PLB1: variants seen among roughly 807,000 people sequenced by gnomAD.
The protein encoded by PLB1 is phospholipase B1, membrane-associated.
PLB1 carries 242 observed loss-of-function variants against 227.4 expected under a neutral mutation model. That is an observed-to-expected ratio of 1.06 (90% CI 0.96 to 1.18). The LOEUF (loss-of-function observed/expected upper bound fraction) is 1.18, where lower values mean the gene tolerates loss of function less well. Ranked by LOEUF, PLB1 falls within the 50% of genes most tolerant of loss-of-function variation. The pLI is 0.00. For missense variants in PLB1, 1,858 were observed against 1,816.3 expected (o/e 1.02, Z -0.42); for synonymous variants, 757 against 682.2 (o/e 1.11, Z -1.71).
intron 20 of PLB1, 106 bp from the exon 21 acceptor site, chr2:28,573,091 C>T (rs1678285602): frequency 2.4e-6 from 2 of 817,496 alleles, no homozygotes; most frequent in Non-Finnish European, 4.1e-6. Context: ...AGAGTAGGGG[C>T]TGCGGAGTGG....
chr2:28,519,292 G>A (rs953106535), intron 3 of PLB1, among the ~76,000 whole-genome samples: 1 of 152,196 alleles, frequency 6.6e-6, no homozygotes, highest in Non-Finnish European at 1.5e-5. Flanking sequence ...CAATCTTCAA[G>A]CTAAAGTGAT....
intron 3 of PLB1, 112 bp from the exon 4 acceptor site, chr2:28,519,593 C>T (rs994361515): frequency 7.2e-5 from 56 of 776,472 alleles, no homozygotes; most frequent in Non-Finnish European, 1.1e-4. Context: ...ACTGGACCTC[C>T]GCAGCTGTCC....
intron 28 of PLB1, 67 bp downstream of exon 28, chr2:28,589,837 A>G (rs1267751938): frequency 6.7e-7 from 1 of 1,482,766 alleles, no homozygotes; most frequent in Non-Finnish European, 9.4e-7. Flanking sequence ...AAGCCTTTGG[A>G]GGACCTCGGA....
chr2:28,591,467 G>T lies in PLB1; in HGVS notation c.2128-233G>T, dbSNP rs80207712. On this transcript the variant is annotated intron_variant, in intron 30 of 57. Transcript: ENST00000327757. ...GTGTGGAGTGGGGTCATTTGTTGCT[G>T]CCCTGATTCTTGCATTGGACGGTGG... Among the ~76,000 whole-genome samples the T allele has an allele frequency of 6.2e-4, 94 of 152,312 alleles. 2 individuals carry two copies. The East Asian group carries it at 0.017, about 27-fold the overall frequency.
At chr2:28,594,323 G>A (rs1261069420) in intron 33 of PLB1, 3 of 231,440 alleles carry the variant, frequency 1.3e-5, no homozygotes, top group African/African-American at 6.8e-5. Context: ...AAGTGGAGAA[G>A]CTCAGGGTGT....
intron 13 of PLB1, 99 bp downstream of exon 13, chr2:28,541,910 A>G (rs1457415870): frequency 2.7e-5 from 25 of 925,298 alleles, no homozygotes; most frequent in Non-Finnish European, 3.7e-5. Flanking sequence ...AGGTGGGTGG[A>G]TTACTTGAGA....
Position 28,640,991 on chromosome 2 carries a change from G to A in PLB1, c.4163G>A (p.Cys1388Tyr). The A allele has an allele frequency of 1.9e-6, 3 of 1,613,636 alleles. No individual in the cohort carries two copies. The highest frequency in any genetic ancestry group is 2.5e-6 in the Non-Finnish European group (3 of 1,179,792). ...ACCCACAGCCGAGCCAAACTCAAGT[G>A]CCCCTCTCCTGTGAGTAAACGTCCT... Reference protein sequence around the residue: ...NFTHSRAKLKCPSPESPYLYT... With the variant: ...NFTHSRAKLKYPSPESPYLYT... The change falls in exon 57 of 58, where the codon TGC becomes TAC. Residue 1388 changes from cysteine to tyrosine, a missense_variant. Physicochemically the swap from Cys to Tyr is radical, Grantham distance 194 (BLOSUM62 -2). Coordinates refer to ENST00000327757, the MANE Select transcript of PLB1 (RefSeq NM_153021.5).
chr2:28,589,994 T>C lies in PLB1; in HGVS notation c.2017-11T>C. On this transcript the variant is annotated splice_polypyrimidine_tract_variant and intron_variant, in intron 28 of 57. Transcript: ENST00000327757. ...CTTCCTCACTCCCCATCTCCCTGCTTCTTTGTTTAGCTGGAGCCTGTTGGC... is the reference window on the plus strand; with the variant it reads ...CTTCCTCACTCCCCATCTCCCTGCTCCTTTGTTTAGCTGGAGCCTGTTGGC... 2 of 1,612,218 alleles carry C rather than the reference T, an allele frequency of 1.2e-6. No individual in the cohort carries two copies. The highest frequency in any genetic ancestry group is 1.7e-6 in the Non-Finnish European group (2 of 1,178,330).
At position 28,602,860 on chromosome 2, in the gene PLB1, C is replaced by T; in HGVS notation, c.2713C>T (p.Pro905Ser). The change falls in exon 39 of 58, where the codon CCC (proline) becomes TCC (serine). Residue 905 changes from proline (P) to serine (S), a missense_variant. Transcript: ENST00000327757. ...GGTCAACCTCGTGGACTTCCTGAAC[C>T]CCACTATCATGCGGCAGGTGTTCCT... ...VLVNLVDFLN[P>S]TIMRQVFLGN... is the part of the protein sequence containing the mutation. 5 of 1,614,176 alleles carry T rather than the reference C, an allele frequency of 3.1e-6. No individual in the cohort carries two copies. Among genetic ancestry groups the T allele is most frequent in the Non-Finnish European group, 4.2e-6 (5 of 1,180,010 alleles).
chr2:28,622,963 G>A (rs1222388255), intron 49 of PLB1, among the ~76,000 whole-genome samples: 1 of 152,218 alleles, frequency 6.6e-6, no homozygotes, highest in Non-Finnish European at 1.5e-5. Context: ...CGAAGAGCTT[G>A]CACTCTAGGT....
chr2:28,579,642 G>T lies in PLB1; in HGVS notation c.1501G>T (p.Glu501Ter), dbSNP rs769999994. ...MKNDTRIHFQ[E>*]DWKIITLFIG... ...TTCATTTCAGAGGATACACTTTCAG[G>T]AAGACTGGAAGATAATAACCCTGTT... is the stretch of plus-strand genomic sequence containing the variant. Residue 501 changes from glutamate to a stop codon, truncating the protein, a stop_gained, in exon 23 of 58, where the codon GAA becomes TAA. Transcript: ENST00000327757. LOFTEE classifies it high-confidence loss of function. 4.3e-6 allele frequency: 7 copies of T among 1,612,340 alleles called. No individual in the cohort carries two copies. Among genetic ancestry groups the T allele is most frequent in the Non-Finnish European group, 5.9e-6 (7 of 1,178,522 alleles).
chr2:28,617,853 C>T (rs1041365880), intron 45 of PLB1, 66 bp downstream of exon 45: 15 of 1,460,948 alleles, frequency 1.0e-5, no homozygotes, highest in African/African-American at 8.4e-5. Flanking sequence ...GTGGGGAGAC[C>T]CTGCAAACAT....
chr2:28,620,418 T>C lies in PLB1; in HGVS notation c.3383+86T>C, dbSNP rs993164994. On this transcript the variant is annotated intron_variant, in intron 47 of 57. Transcript: ENST00000327757. ...GTGTTTCCTGTCACCCCTCCAGGGA[T>C]GCAGTTGGGTCCCCAGGTCCCAGCG... is the stretch of plus-strand genomic sequence containing the variant. The C allele has an allele frequency of 1.0e-5, 14 of 1,392,982 alleles. No individual in the cohort carries two copies. The Admixed American group carries it at 1.8e-4, about 18-fold the overall frequency. 86.3% of individuals were successfully genotyped at this position (1,392,982 alleles called of 1,614,324 possible).
At chr2:28,556,438 G>T (rs1310429205) in intron 17 of PLB1, among the ~76,000 whole-genome samples, 1 of 152,148 alleles carries the variant, frequency 6.6e-6, no homozygotes, top group Admixed American at 6.5e-5. Flanking sequence ...GTATTGGGTA[G>T]CCAGTAAAAA....
intron 6 of PLB1, among the ~76,000 whole-genome samples, chr2:28,529,109 G>A (rs539801409): frequency 6.6e-6 from 1 of 152,038 alleles, no homozygotes; most frequent in South Asian, 2.1e-4. Context: ...CACCACACCC[G>A]GCTGATTTTT....
intron 44 of PLB1, among the ~76,000 whole-genome samples, chr2:28,616,919 A>G (rs185049367): frequency 6.6e-6 from 1 of 152,148 alleles, no homozygotes; most frequent in East Asian, 1.9e-4. Flanking sequence ...TCTGGCAGTC[A>G]GACTCCTGGA....
chr2:28,528,619 CT>C (rs935125348), intron 6 of PLB1, among the ~76,000 whole-genome samples: 13 of 152,350 alleles, frequency 8.5e-5, no homozygotes, highest in African/African-American at 2.9e-4. Flanking sequence ...CCTCAGTTAG[CT>C]GTGAGACCCT....
chr2:28,538,822 C>A (rs114483564), intron 10 of PLB1, among the ~76,000 whole-genome samples: 3 of 152,210 alleles, frequency 2.0e-5, no homozygotes, highest in Non-Finnish European at 4.4e-5. Context: ...GCTGCAGGCC[C>A]ATAGCCCCAG....
intron 40 of PLB1, 104 bp from the exon 41 acceptor site, chr2:28,604,551 C>T (rs1480752833): frequency 2.6e-6 from 2 of 779,068 alleles, no homozygotes; most frequent in Non-Finnish European, 4.1e-6. Flanking sequence ...CTGAGTCGGC[C>T]CCTCCATCCA....
Sources: allele counts gnomAD v4.1 joint callset (sites outside exome capture counted in the v4.1 genomes callset), GRCh38; gene constraint gnomAD v4.1.1; transcripts MANE v1.5; gene names NCBI Gene and HGNC (gene_info 2026-07-23, HGNC 2026-07-21).